CAST: variants seen among roughly 807,000 people sequenced by gnomAD.
CAST encodes MIR583 host.
A neutral mutation model predicts 119.6 loss-of-function variants in CAST; 76 were observed. The observed-to-expected ratio is 0.64, with a 90% confidence interval of 0.53 to 0.77. The LOEUF is 0.77. Among genes scored for constraint, CAST ranks in the 30% least tolerant of loss-of-function variants. The probability of loss-of-function intolerance (pLI) is 0.00; values close to 1 mark genes in which losing one functional copy is unlikely to be tolerated. For missense variants in CAST, 953 were observed against 946.5 expected, an observed-to-expected ratio of 1.01 and a Z score of -0.09; for synonymous variants, 319 against 331.6, an observed-to-expected ratio of 0.96 and a Z score of 0.41.
chr5:96,726,584 T>C (rs1293300545), intron 4 of CAST, among the ~76,000 whole-genome samples: 1 of 152,196 alleles, frequency 6.6e-6, no homozygotes, highest in Non-Finnish European at 1.5e-5. Flanking sequence ...AAAAAAACCT[T>C]CACTGAAAAA....
the CAST span, among the ~76,000 whole-genome samples, chr5:96,476,293 T>C: frequency 6.6e-6 from 1 of 152,234 alleles, no homozygotes; most frequent in Non-Finnish European, 1.5e-5. Flanking sequence ...TTTTTTCATA[T>C]TTAAGACTTT....
the CAST span, among the ~76,000 whole-genome samples, chr5:96,177,119 A>G: frequency 6.6e-6 from 1 of 152,214 alleles, no homozygotes; most frequent in Non-Finnish European, 1.5e-5. Flanking sequence ...TTAATTTTAG[A>G]GATGGTGAAA....
the CAST span, among the ~76,000 whole-genome samples, chr5:96,475,734 T>C: frequency 6.6e-6 from 1 of 151,978 alleles, no homozygotes; most frequent in East Asian, 1.9e-4. Context: ...GAATTGGCAA[T>C]GGTTTGGGGA....
chr5:96,047,227 C>T, the CAST span, among the ~76,000 whole-genome samples: 1 of 152,132 alleles, frequency 6.6e-6, no homozygotes, highest in African/African-American at 2.4e-5. Context: ...ATCATCATTT[C>T]TTATTCATAT....
chr5:96,056,092 C>T, the CAST span, among the ~76,000 whole-genome samples: 6 of 152,064 alleles, frequency 3.9e-5, no homozygotes, highest in African/African-American at 1.2e-4. Flanking sequence ...AATCAGCTTA[C>T]CTTACCTCCC....
At chr5:96,533,731 A>G (rs2150177823) in intron 1 of CAST, among the ~76,000 whole-genome samples, 1 of 152,338 alleles carries the variant, frequency 6.6e-6, no homozygotes, top group African/African-American at 2.4e-5. Flanking sequence ...TATTAACTTT[A>G]TTAATCCTGA....
the CAST span, among the ~76,000 whole-genome samples, chr5:96,141,537 A>G: frequency 3.3e-5 from 5 of 152,230 alleles, no homozygotes; most frequent in Admixed American, 3.3e-4. Context: ...TGGGTGGGGT[A>G]TAACTGCTCT....
chr5:96,750,184 A>G (rs1418154115), intron 19 of CAST, among the ~76,000 whole-genome samples: 2 of 152,352 alleles, frequency 1.3e-5, no homozygotes, highest in South Asian at 2.1e-4. Flanking sequence ...ATACATAATG[A>G]CAAATAAATA....
Position 96,747,329 on chromosome 5 carries a change from T to C in CAST, c.1285-16T>C, listed in dbSNP as rs1383874178. On this transcript the variant is annotated splice_polypyrimidine_tract_variant and intron_variant, in intron 17 of 31. Coordinates refer to ENST00000675179, the MANE Select transcript of CAST (RefSeq NM_001750.7). ...TTTTCTATTTCATTTCCAATGAATT[T>C]TAATTTCATTTACAGGATAAAGATG... 4 of 1,561,888 alleles carry C rather than the reference T, an allele frequency of 2.6e-6. No homozygotes were observed. The highest frequency in any genetic ancestry group is 2.6e-6 in the Non-Finnish European group (3 of 1,137,188).
At chr5:96,726,346 G>A (rs752033120) in intron 4 of CAST, among the ~76,000 whole-genome samples, 9 of 152,172 alleles carry the variant, frequency 5.9e-5, no homozygotes, top group South Asian at 4.1e-4. Context: ...CTTTAAATTC[G>A]ATCTCTGCAT....
the CAST span, among the ~76,000 whole-genome samples, chr5:96,026,509 C>T: frequency 6.6e-6 from 1 of 152,202 alleles, no homozygotes; most frequent in African/African-American, 2.4e-5. Context: ...GTGACTAACA[C>T]TTAGGCCCCA....
Position 96,765,218 on chromosome 5 carries a change from C to T in CAST, c.1933-3C>T, listed in dbSNP as rs113716524. On this transcript the variant is annotated splice_polypyrimidine_tract_variant and splice_region_variant and intron_variant, in intron 25 of 31. Transcript: ENST00000675179. Reference sequence around the variant, plus strand: ...GACTAATTCAGCATTATTTACTTTTCAGCAGAGTGACAAAGACCTCGATGA... The same window carrying T: ...GACTAATTCAGCATTATTTACTTTTTAGCAGAGTGACAAAGACCTCGATGA... 1,358 of 1,565,646 alleles carry T rather than the reference C, an allele frequency of 8.7e-4. 15 individuals are homozygous for T. In the African/African-American group the frequency reaches 0.016, roughly 19 times the overall value.
intron 3 of CAST, 83 bp from the exon 4 acceptor site, chr5:96,722,556 A>G (rs1353611653): frequency 3.9e-6 from 4 of 1,018,070 alleles, no homozygotes; most frequent in East Asian, 4.8e-5. Flanking sequence ...GGCCAAGGGC[A>G]GTATGGTTAA....
chr5:96,117,619 A>G, the CAST span, among the ~76,000 whole-genome samples: 1 of 152,182 alleles, frequency 6.6e-6, no homozygotes, highest in Non-Finnish European at 1.5e-5. Flanking sequence ...AACTCTGGGC[A>G]GATATGTTTG....
At chr5:96,382,041 GAA>G in the CAST span, among the ~76,000 whole-genome samples, 1 of 152,198 alleles carries the variant, frequency 6.6e-6, no homozygotes, top group Non-Finnish European at 1.5e-5. Flanking sequence ...CATAAAAACA[GAA>G]GAGTGAAAAA....
At chr5:96,743,596 A>C in intron 16 of CAST, 1 of 1,603,884 alleles carries the variant, frequency 6.2e-7, no homozygotes, top group Middle Eastern at 1.7e-4. Context: ...TCCAGCAACA[A>C]TCCTTGAGTC....
chr5:96,557,158 C>A (rs764372291), intron 1 of CAST, among the ~76,000 whole-genome samples: 4 of 151,984 alleles, frequency 2.6e-5, no homozygotes, highest in Admixed American at 2.6e-4. Context: ...CAAGCAAATA[C>A]TGAGAGATTT....
the CAST span, among the ~76,000 whole-genome samples, chr5:96,126,722 G>T: frequency 1.3e-5 from 2 of 152,012 alleles, no homozygotes; most frequent in South Asian, 4.2e-4. Flanking sequence ...ACCACAAACT[G>T]TACAAAAACA....
intron 1 of CAST, among the ~76,000 whole-genome samples, chr5:96,637,023 C>T (rs1408771376): frequency 1.3e-5 from 2 of 152,168 alleles, no homozygotes; most frequent in Non-Finnish European, 2.9e-5. Flanking sequence ...TCCCTCTCTG[C>T]CTCTCCATGT....
Sources: gnomAD v4.1 joint callset for allele counts (sites outside exome capture counted in the v4.1 genomes callset) on GRCh38, gnomAD v4.1.1 for gene constraint, MANE v1.5 for transcripts, NCBI Gene and HGNC (gene_info 2026-07-23, HGNC 2026-07-21) for gene names.